PRKAA2: variants seen among roughly 807,000 people sequenced by gnomAD.
PRKAA2 encodes protein kinase AMP-activated catalytic subunit alpha 2.
In PRKAA2, 40 loss-of-function variants were observed where a neutral mutation model predicts 56.3. That is an observed-to-expected ratio of 0.71 (90% CI 0.55 to 0.92). The LOEUF is 0.92. Among genes scored for constraint, PRKAA2 ranks in the 40% least tolerant of loss-of-function variants. The pLI is 0.00. For missense variants in PRKAA2, 542 were observed against 686.9 expected, an observed-to-expected ratio of 0.79 and a Z score of 2.36; for synonymous variants, 214 against 234.2, an observed-to-expected ratio of 0.91 and a Z score of 0.79.
intron 2 of PRKAA2, among the ~76,000 whole-genome samples, chr1:56,679,915 G>A (rs1644141481): frequency 6.6e-6 from 1 of 152,112 alleles, no homozygotes; most frequent in Non-Finnish European, 1.5e-5. Flanking sequence ...TCCACTTAAT[G>A]AGTAGTTGGT....
rs1644366031 is a variant in PRKAA2 at position 56,711,066 on chromosome 1, T to C, written c.*3353T>C. The stretch of plus-strand genomic sequence containing the variant: ...GAGACACTTTTGTAATCTCTAGTGT[T>C]TACATTCCTTTATACTAGCTATCTA... On this transcript the variant is annotated 3_prime_UTR_variant, in exon 9 of 9. Transcript: ENST00000371244. 1 of 152,110 alleles carries C rather than the reference T, an allele frequency of 6.6e-6. No individual in the cohort carries two copies. Among genetic ancestry groups the C allele is most frequent in the South Asian group, 2.1e-4 (1 of 4,826 alleles). 9.4% of individuals were successfully genotyped at this position (152,110 alleles called of 1,614,324 possible).
chr1:56,693,076 A>G (rs752764762), intron 4 of PRKAA2, among the ~76,000 whole-genome samples: 4 of 152,198 alleles, frequency 2.6e-5, no homozygotes, highest in Non-Finnish European at 5.9e-5. Context: ...ATGCCTTAAT[A>G]GGGTATTTGA....
chr1:56,705,560 T>G (rs1360259707), intron 7 of PRKAA2, among the ~76,000 whole-genome samples: 2 of 152,044 alleles, frequency 1.3e-5, no homozygotes, highest in Non-Finnish European at 2.9e-5. Context: ...CACACTCGGC[T>G]GATTTTTTTT....
In PRKAA2 at chr1:56,711,398, C is replaced by T. The variant is rs1449995200; in HGVS notation, c.*3685C>T. 1 of 152,116 alleles carries T rather than the reference C, an allele frequency of 6.6e-6. No homozygotes were observed. The highest frequency in any genetic ancestry group is 1.5e-5 in the Non-Finnish European group (1 of 67,992). The allele number at this position is 152,116 out of a possible 1,614,324, so 9.4% of individuals were successfully genotyped here. A position where few individuals can be genotyped will look rare whatever the true frequency, so the allele number is the denominator to read the frequency against. On this transcript the variant is annotated 3_prime_UTR_variant, in exon 9 of 9. Transcript: ENST00000371244. ...GTGTACTGAGTTAATGTAGGCACCTCACTTTGGATTTATAAAATGTAAAAA... is the reference window on the plus strand; with the variant it reads ...GTGTACTGAGTTAATGTAGGCACCTTACTTTGGATTTATAAAATGTAAAAA...
rs758607652 is a variant in PRKAA2, at chr1:56,691,419, G to A, written c.262G>A (p.Asp88Asn). Reference protein sequence around the residue: ...KLYQVISTPTDFFMVMEYVSG... With the variant: ...KLYQVISTPTNFFMVMEYVSG... Reference sequence around the variant, plus strand: ...ATACCAGGTGATCAGCACTCCAACAGATTTTTTTATGGTAATGGAATATGT... The same window carrying A: ...ATACCAGGTGATCAGCACTCCAACAAATTTTTTTATGGTAATGGAATATGT... Residue 88 changes from aspartate (D) to asparagine (N), a missense_variant, in exon 3 of 9, where the codon GAT becomes AAT. Coordinates refer to ENST00000371244, the MANE Select transcript of PRKAA2 (RefSeq NM_006252.4). 1.4e-5 allele frequency: 22 copies of A among 1,612,350 alleles called. No homozygotes were observed. Among genetic ancestry groups the A allele is most frequent in the Non-Finnish European group, 1.6e-5 (19 of 1,179,064 alleles).
intron 1 of PRKAA2, among the ~76,000 whole-genome samples, chr1:56,658,341 C>T (rs1050938811): frequency 1.4e-4 from 21 of 151,462 alleles, no homozygotes; most frequent in African/African-American, 4.6e-4. Flanking sequence ...TAAAGGAGGA[C>T]GAGTAAGAAG....
At chr1:56,655,599 C>T (rs1643935775) in intron 1 of PRKAA2, among the ~76,000 whole-genome samples, 1 of 151,990 alleles carries the variant, frequency 6.6e-6, no homozygotes, top group African/African-American at 2.4e-5. Flanking sequence ...GAGGGATCTT[C>T]TCCTATGACC....
rs768318008 is a variant in PRKAA2 at position 56,707,562 on chromosome 1, A to G, written c.1508A>G (p.Asp503Gly). The part of the protein sequence containing the change: ...AGLHRPRSSF[D>G]STTAESHSLS... ...TTACACAGACCAAGATCAAGTTTTGATTCCACAACTGCAGAGAGCCATTCA... is the reference window on the plus strand; with the variant it reads ...TTACACAGACCAAGATCAAGTTTTGGTTCCACAACTGCAGAGAGCCATTCA... The change falls in exon 9 of 9, where the codon GAT becomes GGT. Residue 503 changes from aspartate to glycine, a missense_variant. Around this residue, in one of 5 missense-constraint regions of PRKAA2, gnomAD observed 158 missense variants for 166.1 expected, o/e 0.95. Coordinates refer to ENST00000371244, the MANE Select transcript of PRKAA2 (RefSeq NM_006252.4). 3 of 1,614,108 alleles carry G rather than the reference A, an allele frequency of 1.9e-6. No individual in the cohort carries two copies. Among genetic ancestry groups the G allele is most frequent in the South Asian group, 2.2e-5 (2 of 91,080 alleles).
rs755984518 is a variant in PRKAA2 at position 56,645,462 on chromosome 1, C to G, written c.75C>G (p.Gly25=). Residue 25 remains glycine (G), a synonymous_variant, in exon 1 of 9, where the codon GGC becomes GGG. Coordinates refer to ENST00000371244, the MANE Select transcript of PRKAA2 (RefSeq NM_006252.4). ...HYVLGDTLGV[G]TFGKVKIGEH... is the part of the protein sequence containing the mutation. ...TGCTGGGCGACACGCTGGGCGTCGG[C>G]ACCTTCGGCAAAGTGAAGAGTTGAG... 2 of 1,500,350 alleles carry G rather than the reference C, an allele frequency of 1.3e-6. No individual in the cohort carries two copies. The highest frequency in any genetic ancestry group is 8.9e-7 in the Non-Finnish European group (1 of 1,118,038). 92.9% of individuals were successfully genotyped at this position (1,500,350 alleles called of 1,614,324 possible).
chr1:56,688,434 T>C (rs1259969427), intron 2 of PRKAA2, among the ~76,000 whole-genome samples: 1 of 152,186 alleles, frequency 6.6e-6, no homozygotes, highest in Non-Finnish European at 1.5e-5. Flanking sequence ...TAAAAACATA[T>C]AATTACAAAC....
intron 1 of PRKAA2, among the ~76,000 whole-genome samples, chr1:56,655,280 A>ATATATATATTTTTTTTTTTT: frequency 2.7e-4 from 25 of 93,650 alleles, no homozygotes; most frequent in East Asian, 1.9e-3. Context: ...ATATATATAT[A>ATATATATATTTTTTTTTTTT]TTTTTTTTTT....
chr1:56,648,334 C>A (rs10749708), intron 1 of PRKAA2, among the ~76,000 whole-genome samples: 66,161 of 151,948 alleles, frequency 0.44, 14,962 homozygotes, highest in Middle Eastern at 0.54. Context: ...TCTTTTGTGT[C>A]GAGCTTCTTT....
intron 1 of PRKAA2, among the ~76,000 whole-genome samples, chr1:56,646,495 A>T (rs1036634052): frequency 1.3e-5 from 2 of 152,208 alleles, no homozygotes; most frequent in Admixed American, 6.5e-5. Context: ...AACTAGTAAG[A>T]ATAGTTAAGT....
rs369925387 is a variant in PRKAA2, at chr1:56,706,219, G to C, written c.1420+1G>C. 1 of 1,612,492 alleles carries C rather than the reference G, an allele frequency of 6.2e-7. No individual in the cohort carries two copies. ...CTTTTGGACTTTAAAAGCATTGATG[G>C]TAAGGAAGCTATGCATGCATGAGCT... On this transcript the variant is annotated splice_donor_variant, in intron 8 of 8. Transcript: ENST00000371244. LOFTEE classifies it high-confidence loss of function.
chr1:56,664,871 CACACACACACACACACACACATAT>C (rs971756237), intron 1 of PRKAA2, among the ~76,000 whole-genome samples: 2 of 145,052 alleles, frequency 1.4e-5, no homozygotes, highest in Admixed American at 6.8e-5. Flanking sequence ...CACACACACA[CACACACACACACACACACACATAT>C]ATACATACAT....
intron 1 of PRKAA2, among the ~76,000 whole-genome samples, chr1:56,649,235 G>A (rs1199806647): frequency 1.3e-5 from 2 of 152,154 alleles, no homozygotes; most frequent in African/African-American, 4.8e-5. Context: ...TCTTATGTAT[G>A]GTGTGAGATG....
rs544979495 is a variant in PRKAA2, at chr1:56,704,562, G to A, written c.1293+87G>A. On this transcript the variant is annotated intron_variant, in intron 7 of 8. Coordinates refer to ENST00000371244, the MANE Select transcript of PRKAA2 (RefSeq NM_006252.4). ...TCTGAGCTCCTGAGTTGAGTATTAAGCCCAACTTTTTCTAGTAATATGCTA... is the reference window on the plus strand; with the variant it reads ...TCTGAGCTCCTGAGTTGAGTATTAAACCCAACTTTTTCTAGTAATATGCTA... 2,358 of 1,438,272 alleles carry A rather than the reference G, an allele frequency of 1.6e-3. 4 individuals are homozygous for A. Among genetic ancestry groups the A allele is most frequent in the Admixed American group, 4.1e-3 (177 of 43,500 alleles). 89.1% of individuals were successfully genotyped at this position (1,438,272 alleles called of 1,614,324 possible).
chr1:56,695,345 C>A (rs1644252586), intron 5 of PRKAA2, among the ~76,000 whole-genome samples: 1 of 151,750 alleles, frequency 6.6e-6, no homozygotes, highest in South Asian at 2.1e-4. Flanking sequence ...TGTGCACCAC[C>A]ATCCCTGGCT....
At chr1:56,669,751 T>G (rs987804960) in intron 1 of PRKAA2, among the ~76,000 whole-genome samples, 11 of 152,166 alleles carry the variant, frequency 7.2e-5, no homozygotes, top group African/African-American at 2.4e-5. Flanking sequence ...AAAAGTATAT[T>G]CAGCATATAG....
Sources: allele counts gnomAD v4.1 joint callset (sites outside exome capture counted in the v4.1 genomes callset), GRCh38; gene constraint gnomAD v4.1.1; regional missense constraint gnomAD v4.1.1; transcripts MANE v1.5; gene names NCBI Gene and HGNC (gene_info 2026-07-23, HGNC 2026-07-21).